DAB1: variants seen among roughly 807,000 people sequenced by gnomAD.
DAB1 encodes the protein disabled homolog 1.
In DAB1, 15 loss-of-function variants were observed where a neutral mutation model predicts 64.6. The observed-to-expected ratio is 0.23, with a 90% CI of 0.16 to 0.36. The LOEUF (loss-of-function observed/expected upper bound fraction) is 0.36, where lower values mean the gene tolerates loss of function less well. DAB1 is among the 10% of genes least tolerant of loss of function. The pLI, the probability that DAB1 is intolerant of heterozygous loss-of-function variation, is 1.00. For synonymous variants in DAB1, 235 were observed against 251.9 expected (o/e 0.93, Z 0.64); for missense variants, 596 against 706.7 (o/e 0.84, Z 1.78).
intron 7 of DAB1, among the ~76,000 whole-genome samples, chr1:57,589,902 T>C (rs1174632556): frequency 1.3e-5 from 2 of 152,164 alleles, no homozygotes; most frequent in Non-Finnish European, 2.9e-5. Flanking sequence ...AAAAACCTTA[T>C]AGTAAGCAGT....
intron 7 of DAB1, among the ~76,000 whole-genome samples, chr1:57,508,328 A>T (rs1245985929): frequency 6.6e-6 from 1 of 152,188 alleles, no homozygotes; most frequent in African/African-American, 2.4e-5. Flanking sequence ...GTTGAACTCG[A>T]ACACCTAGAA....
intron 3 of DAB1, among the ~76,000 whole-genome samples, chr1:58,380,063 G>T (rs372067847): frequency 1.3e-5 from 2 of 152,210 alleles, no homozygotes; most frequent in African/African-American, 4.8e-5. Context: ...AGCTAGCTAA[G>T]AAGTGGCAAC....
chr1:58,113,941 T>C (rs139030622), intron 5 of DAB1, among the ~76,000 whole-genome samples: 2 of 152,116 alleles, frequency 1.3e-5, no homozygotes, highest in African/African-American at 4.8e-5. Flanking sequence ...AGACACAAGA[T>C]TGCTCTCTTA....
At chr1:57,044,091 C>T (rs919787034) in intron 9 of DAB1, among the ~76,000 whole-genome samples, 1 of 152,180 alleles carries the variant, frequency 6.6e-6, no homozygotes, top group African/African-American at 2.4e-5. Flanking sequence ...GTTCCTTCTC[C>T]TAATTCAGAC....
intron 6 of DAB1, among the ~76,000 whole-genome samples, chr1:57,737,205 A>G (rs1184988548): frequency 7.2e-5 from 11 of 152,148 alleles, no homozygotes. Flanking sequence ...GGTGCCTCTC[A>G]TTGGCCAAAC....
At chr1:58,378,859 C>T (rs1291879201) in intron 3 of DAB1, among the ~76,000 whole-genome samples, 137 of 84,436 alleles carry the variant, frequency 1.6e-3, no homozygotes, top group African/African-American at 3.1e-3. Context: ...CCCTCCGAGC[C>T]AGGTGTGGGA....
intron 4 of DAB1, among the ~76,000 whole-genome samples, chr1:57,111,674 TA>T (rs1339051662): frequency 6.6e-6 from 1 of 152,160 alleles, no homozygotes; most frequent in African/African-American, 2.4e-5. Context: ...CCCGAATTTT[TA>T]AAAACTACAC....
chr1:57,765,131 A>G (rs72664653), intron 6 of DAB1, among the ~76,000 whole-genome samples: 7,405 of 152,294 alleles, frequency 0.049, 262 homozygotes, highest in South Asian at 0.077. Flanking sequence ...ACACTGACAA[A>G]TGAAAAGGAC....
At chr1:57,470,935 A>G (rs1170787913) in intron 7 of DAB1, among the ~76,000 whole-genome samples, 2 of 152,232 alleles carry the variant, frequency 1.3e-5, no homozygotes, top group East Asian at 1.9e-4. Flanking sequence ...TTAGATAAAA[A>G]TGTAAATGAG....
chr1:58,540,251 T>G (rs1242209281), intron 1 of DAB1, among the ~76,000 whole-genome samples: 2 of 149,850 alleles, frequency 1.3e-5, no homozygotes, highest in African/African-American at 4.9e-5. Flanking sequence ...CCAAAAAGAT[T>G]AAATGCTTCC....
chr1:57,022,473 T>C (rs1266078031), intron 11 of DAB1, among the ~76,000 whole-genome samples: 1 of 152,248 alleles, frequency 6.6e-6, no homozygotes, highest in Non-Finnish European at 1.5e-5. Context: ...AACTGTAAGT[T>C]AGATCCAAGG....
chr1:57,902,869 C>T (rs1202844), intron 5 of DAB1, among the ~76,000 whole-genome samples: 87,654 of 151,986 alleles, frequency 0.58, 25,678 homozygotes, highest in African/African-American at 0.65. Context: ...TGTAAGCATC[C>T]GTATTAGTCC....
intron 3 of DAB1, among the ~76,000 whole-genome samples, chr1:58,411,012 A>C (rs1644662438): frequency 6.6e-6 from 1 of 152,218 alleles, no homozygotes; most frequent in African/African-American, 2.4e-5. Context: ...AGTTGGTAGG[A>C]AACTTGGAGA....
chr1:58,371,924 A>C (rs1482538228), intron 3 of DAB1, among the ~76,000 whole-genome samples: 1 of 152,216 alleles, frequency 6.6e-6, no homozygotes, highest in Non-Finnish European at 1.5e-5. Context: ...GAAAATGCCA[A>C]AATGTCCAGG....
chr1:57,149,711 G>A (rs1659479415), intron 2 of DAB1, among the ~76,000 whole-genome samples: 1 of 152,066 alleles, frequency 6.6e-6, no homozygotes, highest in Non-Finnish European at 1.5e-5. Context: ...TCTTAACCAT[G>A]AACCATAGGA....
At chr1:57,658,981 T>C (rs1235572466) in intron 6 of DAB1, among the ~76,000 whole-genome samples, 1 of 152,216 alleles carries the variant, frequency 6.6e-6, no homozygotes, top group Non-Finnish European at 1.5e-5. Flanking sequence ...ACCTTACTTC[T>C]GTTCCCTGGG....
intron 7 of DAB1, among the ~76,000 whole-genome samples, chr1:57,531,544 A>T (rs1404387): frequency 0.95 from 144,960 of 152,242 alleles, 69,390 homozygotes; most frequent in East Asian, 1. Context: ...AAGGAAGAGA[A>T]GTAATCAGAA....
At chr1:58,014,248 A>G (rs1219603148) in intron 5 of DAB1, among the ~76,000 whole-genome samples, 1 of 152,134 alleles carries the variant, frequency 6.6e-6, no homozygotes, top group Non-Finnish European at 1.5e-5. Context: ...ATAAAAGGAG[A>G]ATTTGAGTTT....
intron 3 of DAB1, among the ~76,000 whole-genome samples, chr1:58,344,055 A>G (rs1301352474): frequency 6.6e-6 from 1 of 152,150 alleles, no homozygotes; most frequent in African/African-American, 2.4e-5. Context: ...ATTTTCATGA[A>G]GAGGCTTTGG....
Sources: gnomAD v4.1 joint callset for allele counts (sites outside exome capture counted in the v4.1 genomes callset) on GRCh38, gnomAD v4.1.1 for gene constraint, MANE v1.5 for transcripts, NCBI Gene and HGNC (gene_info 2026-07-23, HGNC 2026-07-21) for gene names.